DDHD1: variants seen among roughly 807,000 people sequenced by gnomAD.
DDHD1 encodes the protein phospholipase DDHD1.
In DDHD1, 49 loss-of-function variants were observed where a neutral mutation model predicts 96.4. The observed-to-expected ratio is 0.51, with a 90% CI of 0.40 to 0.64. The LOEUF (loss-of-function observed/expected upper bound fraction) is 0.64. Ranked by LOEUF, DDHD1 falls within the 30% of genes least tolerant of loss-of-function variation. The pLI, the probability that DDHD1 is intolerant of heterozygous loss-of-function variation, is 0.00. For synonymous variants in DDHD1, 442 were observed against 446.5 expected, an observed-to-expected ratio of 0.99 and a Z score of 0.13; for missense variants, 1,106 against 1,161.2, an observed-to-expected ratio of 0.95 and a Z score of 0.69.
chr14:53,089,948 G>A (rs1339854565), intron 4 of DDHD1, among the ~76,000 whole-genome samples: 1 of 152,176 alleles, frequency 6.6e-6, no homozygotes, highest in African/African-American at 2.4e-5. Flanking sequence ...CCTACAGAAT[G>A]GGAGAAAATT....
intron 1 of DDHD1, among the ~76,000 whole-genome samples, chr14:53,126,578 G>A (rs1010092667): frequency 2.6e-5 from 4 of 152,080 alleles, no homozygotes; most frequent in African/African-American, 9.7e-5. Flanking sequence ...ATGTTATCCA[G>A]GATGCTCTTG....
intron 4 of DDHD1, among the ~76,000 whole-genome samples, 190 bp from the exon 5 acceptor site, chr14:53,074,037 T>C (rs1884749078): frequency 2.6e-5 from 4 of 152,054 alleles, no homozygotes; most frequent in Admixed American, 2.6e-4. Flanking sequence ...ATGGTTATTT[T>C]CCTAAATTTG....
At chr14:53,053,451 G>A (rs571788379) in intron 11 of DDHD1, 1 of 152,238 alleles carries the variant, frequency 6.6e-6, no homozygotes, top group East Asian at 1.9e-4. Context: ...AAGTAGGAAT[G>A]TTCAACCCTA....
At chr14:53,105,255 T>C (rs1262836818) in intron 1 of DDHD1, among the ~76,000 whole-genome samples, 1 of 152,100 alleles carries the variant, frequency 6.6e-6, no homozygotes, top group African/African-American at 2.4e-5. Context: ...GATTGTGAAC[T>C]ATAAATATCA....
intron 4 of DDHD1, among the ~76,000 whole-genome samples, chr14:53,075,774 A>G (rs144465785): frequency 3.8e-4 from 58 of 152,284 alleles, no homozygotes; most frequent in African/African-American, 1.3e-3. Context: ...GTTGAAGCCA[A>G]TGCTCACTGA....
intron 2 of DDHD1, among the ~76,000 whole-genome samples, chr14:53,098,826 C>CT (rs1425187429): frequency 6.6e-6 from 1 of 152,058 alleles, no homozygotes; most frequent in Non-Finnish European, 1.5e-5. Context: ...ACCTGTGCTG[C>CT]TATGGCACCT....
chr14:53,066,895 A>G (rs1478403769), intron 6 of DDHD1, among the ~76,000 whole-genome samples: 1 of 151,564 alleles, frequency 6.6e-6, no homozygotes, highest in Non-Finnish European at 1.5e-5. Context: ...TGAGCCCAGA[A>G]GACAGAGGCT....
At chr14:53,094,042 T>C (rs1222516047) in intron 2 of DDHD1, among the ~76,000 whole-genome samples, 1 of 151,928 alleles carries the variant, frequency 6.6e-6, no homozygotes, top group Non-Finnish European at 1.5e-5. Flanking sequence ...CCGGGTGTGG[T>C]GGCGGGCGCC....
At chr14:53,100,321 T>A (rs10130654) in intron 2 of DDHD1, among the ~76,000 whole-genome samples, 7,090 of 149,464 alleles carry the variant, frequency 0.047, 419 homozygotes, top group African/African-American at 0.14. Context: ...ACAAAAAATT[T>A]AAAAAAAAAA....
chr14:53,068,243 CTTT>C (rs55662153), intron 6 of DDHD1, among the ~76,000 whole-genome samples: 2 of 104,476 alleles, frequency 1.9e-5, no homozygotes, highest in Non-Finnish European at 1.8e-5. Flanking sequence ...CTTTATGATA[CTTT>C]TTTTTTTTTT....
rs1257775012 is a variant in DDHD1 at position 53,111,639 on chromosome 14, C to T, written c.839-7783G>A. ...AATTATCTTTAAAGTTTATTACCCC[C>T]CCCCAAAAAAATACATTAGACTCAG... is the stretch of plus-strand genomic sequence containing the variant. On this transcript the variant is annotated intron_variant, in intron 1 of 12. Coordinates refer to ENST00000673822, the MANE Select transcript of DDHD1 (RefSeq NM_001160148.2). Among the ~76,000 whole-genome samples the T allele has an allele frequency of 5.9e-5, 9 of 152,034 alleles. No individual in the cohort carries two copies. In the East Asian group the frequency reaches 1.4e-3, roughly 23 times the overall value.
chr14:53,060,465 G>C (rs1307845922), intron 8 of DDHD1, among the ~76,000 whole-genome samples: 4 of 152,072 alleles, frequency 2.6e-5, no homozygotes, highest in African/African-American at 7.2e-5. Flanking sequence ...GCTAAACTAA[G>C]TTTGCTCACA....
intron 1 of DDHD1, among the ~76,000 whole-genome samples, chr14:53,118,111 C>G (rs1238580865): frequency 1.3e-5 from 2 of 152,154 alleles, no homozygotes; most frequent in Non-Finnish European, 2.9e-5. Flanking sequence ...AAAGGAACAG[C>G]ATCAACATCA....
At chr14:53,123,006 G>A (rs982208033) in intron 1 of DDHD1, among the ~76,000 whole-genome samples, 11 of 151,528 alleles carry the variant, frequency 7.3e-5, no homozygotes, top group Non-Finnish European at 1.2e-4. Context: ...CAGATTCACC[G>A]GTAATGAGAG....
At chr14:53,095,262 T>C (rs1351116542) in intron 2 of DDHD1, among the ~76,000 whole-genome samples, 1 of 152,140 alleles carries the variant, frequency 6.6e-6, no homozygotes, top group Non-Finnish European at 1.5e-5. Flanking sequence ...GGCAAAATAT[T>C]ATCTCCCATT....
In DDHD1 at chr14:53,073,745, A is replaced by G. The variant is rs1363844838; in HGVS notation, c.1392T>C (p.Asp464=). The change falls in exon 5 of 13, where the codon GAT becomes GAC. Residue 464 remains aspartate (D), a synonymous_variant. Coordinates refer to ENST00000673822, the MANE Select transcript of DDHD1 (RefSeq NM_001160148.2). The part of the protein sequence containing the change: ...PVEWRSKLTL[D]GDTVDSITPD... ...TCAATTTTTAAATAAATATACCTCCATCAAGAGTAAGTTTTGACCGCCACT... is the reference window on the plus strand; with the variant it reads ...TCAATTTTTAAATAAATATACCTCCGTCAAGAGTAAGTTTTGACCGCCACT... 8.7e-6 allele frequency: 14 copies of G among 1,606,692 alleles called. No individual in the cohort carries two copies. In the South Asian group the frequency reaches 1.6e-4, roughly 18 times the overall value.
intron 4 of DDHD1, among the ~76,000 whole-genome samples, chr14:53,085,223 C>T (rs1215851141): frequency 6.6e-6 from 1 of 152,208 alleles, no homozygotes; most frequent in East Asian, 1.9e-4. Flanking sequence ...GCAGCAGAAC[C>T]TTCTGCAGGC....
intron 1 of DDHD1, among the ~76,000 whole-genome samples, chr14:53,113,266 C>A (rs1470347784): frequency 6.6e-6 from 1 of 151,664 alleles, no homozygotes; most frequent in Non-Finnish European, 1.5e-5. Context: ...CGACGCCTGG[C>A]CATCTTTCAC....
chr14:53,113,330 C>T (rs1339502424), intron 1 of DDHD1, among the ~76,000 whole-genome samples: 1 of 145,400 alleles, frequency 6.9e-6, no homozygotes, highest in Admixed American at 6.9e-5. Flanking sequence ...TGCATATAGC[C>T]ATTCTATATT....
Sources: allele counts gnomAD v4.1 joint callset (sites outside exome capture counted in the v4.1 genomes callset), GRCh38; gene constraint gnomAD v4.1.1; transcripts MANE v1.5; gene names NCBI Gene and HGNC (gene_info 2026-07-23, HGNC 2026-07-21).